Variants in TNC observed in about 807,000 individuals in gnomAD.
The protein encoded by TNC is tenascin C, also known as tenascin.
A neutral mutation model predicts 202.4 loss-of-function variants in TNC; 109 were observed. The ratio of observed to expected loss-of-function variants is 0.54; its 90% CI spans 0.46 to 0.63. The LOEUF is 0.63. Among genes scored for constraint, TNC ranks in the 30% least tolerant of loss-of-function variants. TNC has a pLI of 0.00. For synonymous variants in TNC, 1,007 were observed against 1,089.7 expected, an observed-to-expected ratio of 0.92 and a Z score of 1.50; for missense variants, 2,756 against 2,833.3, an observed-to-expected ratio of 0.97 and a Z score of 0.62.
At chr9:115,025,348 A>G (rs891894405) in intron 26 of TNC, among the ~76,000 whole-genome samples, 12 of 152,102 alleles carry the variant, frequency 7.9e-5, no homozygotes, top group Admixed American at 5.9e-4. Context: ...CTAAACTGCC[A>G]TCTCAAAAGA....
chr9:115,066,729 C>T (rs1389220514), intron 10 of TNC, among the ~76,000 whole-genome samples: 1 of 152,140 alleles, frequency 6.6e-6, no homozygotes. Context: ...GGAAATAAAT[C>T]CAAAGAAGAA....
intron 9 of TNC, among the ~76,000 whole-genome samples, chr9:115,075,717 G>A (rs113240985): frequency 0.016 from 2,490 of 152,094 alleles, 113 homozygotes; most frequent in East Asian, 0.11. Flanking sequence ...CCCTGGAGGC[G>A]GAGGTTGCAG....
intron 1 of TNC, among the ~76,000 whole-genome samples, chr9:115,106,478 C>A (rs1407333055): frequency 6.6e-6 from 1 of 152,094 alleles, no homozygotes; most frequent in Non-Finnish European, 1.5e-5. Flanking sequence ...CAAAATGGAA[C>A]AAGGTAGGAT....
chr9:115,034,448 C>A (rs1830168902), intron 22 of TNC, among the ~76,000 whole-genome samples: 1 of 152,136 alleles, frequency 6.6e-6, no homozygotes, highest in African/African-American at 2.4e-5. Flanking sequence ...AGACAGAAAC[C>A]CAAACCAAAC....
Position 115,048,427 on chromosome 9 carries a change from G to A in TNC, c.4685C>T (p.Thr1562Met), listed in dbSNP as rs145720474. The change falls in exon 16 of 28, where the codon ACG becomes ATG. Residue 1562 changes from threonine (T) to methionine (M), a missense_variant. By Grantham distance (81) the Thr-to-Met change is moderately conservative (BLOSUM62 -1). Coordinates refer to ENST00000350763, the MANE Select transcript of TNC (RefSeq NM_002160.4). The stretch of plus-strand genomic sequence containing the variant: ...CAGCAGCTTCCCAGAATCCACCACC[G>A]TTACTAGAAAGCTGTCAAAGGCATT... The part of the protein sequence containing the change: ...SENAFDSFLV[T>M]VVDSGKLLDP... 129 of 1,614,022 alleles carry A rather than the reference G, an allele frequency of 8.0e-5. No homozygotes were observed. Among genetic ancestry groups the A allele is most frequent in the East Asian group, 4.5e-4 (20 of 44,884 alleles).
At position 115,097,446 on chromosome 9, in the gene TNC, T is replaced by TG. The variant is rs533379909; in HGVS notation, c.-136-6293dup. On this transcript the variant is annotated intron_variant, in intron 1 of 27. Coordinates refer to ENST00000350763, the MANE Select transcript of TNC (RefSeq NM_002160.4). ...AAGAAAACCTTGTATCCAGAAGGGATGGGGGAATCAGGGAGATACATTCAT... is the reference window on the plus strand; with the variant it reads ...AAGAAAACCTTGTATCCAGAAGGGATGGGGGGAATCAGGGAGATACATTCAT... Among the ~76,000 whole-genome samples the TG allele has an allele frequency of 2.6e-5, 4 of 152,194 alleles. No individual in the cohort carries two copies. In the South Asian group the frequency reaches 8.3e-4, roughly 32 times the overall value.
intron 21 of TNC, 59 bp from the exon 22 acceptor site, chr9:115,035,393 G>T (rs986962920): frequency 1.9e-6 from 3 of 1,552,352 alleles, no homozygotes; most frequent in East Asian, 2.4e-5. Flanking sequence ...GCAGAAATTC[G>T]GGCTGGGTAT....
At chr9:115,110,333 TTG>T (rs1454999163) in intron 1 of TNC, among the ~76,000 whole-genome samples, 1 of 152,158 alleles carries the variant, frequency 6.6e-6, no homozygotes, top group African/African-American at 2.4e-5. Context: ...CTGGACTTTT[TTG>T]CAGGCAGAAG....
At chr9:115,113,454 A>G (rs1177084685) in intron 1 of TNC, among the ~76,000 whole-genome samples, 1 of 152,188 alleles carries the variant, frequency 6.6e-6, no homozygotes, top group Non-Finnish European at 1.5e-5. Context: ...GTCCTCAGTA[A>G]ATATTAGCTA....
At chr9:115,087,496 T>C (rs545244848) in intron 2 of TNC, among the ~76,000 whole-genome samples, 8 of 150,830 alleles carry the variant, frequency 5.3e-5, no homozygotes, top group Admixed American at 5.3e-4. Flanking sequence ...TATAGGCTTG[T>C]ATGCCAAAAC....
At chr9:115,083,180 T>A (rs1296870149) in intron 4 of TNC, among the ~76,000 whole-genome samples, 1 of 151,192 alleles carries the variant, frequency 6.6e-6, no homozygotes, top group Non-Finnish European at 1.5e-5. Context: ...GTCTACTTCT[T>A]GGGAATGCAT....
At chr9:115,105,666 A>C (rs1164992423) in intron 1 of TNC, among the ~76,000 whole-genome samples, 1 of 152,146 alleles carries the variant, frequency 6.6e-6, no homozygotes, top group Middle Eastern at 3.2e-3. Flanking sequence ...GATATGTCTA[A>C]CCCCCTTAAC....
intron 27 of TNC, among the ~76,000 whole-genome samples, chr9:115,022,422 A>G (rs1357857911): frequency 6.6e-6 from 1 of 152,186 alleles, no homozygotes; most frequent in Non-Finnish European, 1.5e-5. Flanking sequence ...CCAGAGAGGG[A>G]GAGTGACTTT....
At chr9:115,053,454 C>A (rs540751690) in intron 15 of TNC, among the ~76,000 whole-genome samples, 3 of 152,198 alleles carry the variant, frequency 2.0e-5, no homozygotes, top group Admixed American at 6.5e-5. Flanking sequence ...AATATTATGT[C>A]TTACCATAGA....
At chr9:115,030,756 A>G (rs1384853061) in intron 23 of TNC, among the ~76,000 whole-genome samples, 1 of 152,216 alleles carries the variant, frequency 6.6e-6, no homozygotes, top group Non-Finnish European at 1.5e-5. Context: ...CACTTTCTTC[A>G]GCAGATGTGT....
At chr9:115,080,164 A>G (rs1834192671) in intron 6 of TNC, among the ~76,000 whole-genome samples, 2 of 152,216 alleles carry the variant, frequency 1.3e-5, no homozygotes, top group South Asian at 4.1e-4. Context: ...ATGCAACTTC[A>G]AATGTTGGAA....
Position 115,081,776 on chromosome 9 carries a change from G to A in TNC, c.2400C>T (p.Thr800=), listed in dbSNP as rs778576941. The A allele has an allele frequency of 6.2e-7, 1 of 1,613,984 alleles. No individual in the cohort carries two copies. The highest frequency in any genetic ancestry group is 1.7e-5 in the Admixed American group (1 of 60,008). The change falls in exon 6 of 28, where the codon ACC becomes ACT. Residue 800 remains threonine (T), a synonymous_variant. Transcript: ENST00000350763. The part of the protein sequence containing the change: ...TRGPGLKRVT[T]TRLDAPSQIE... ...AGTATTAAAGGTGATACTCACGTGT[G>A]GTGGTCACCCTCTTCAGGCCAGGGC... is the stretch of plus-strand genomic sequence containing the variant.
chr9:115,108,839 A>G (rs1426038762), intron 1 of TNC, among the ~76,000 whole-genome samples: 1 of 152,198 alleles, frequency 6.6e-6, no homozygotes, highest in Non-Finnish European at 1.5e-5. Flanking sequence ...CCATGTGAGG[A>G]CATATAAGGT....
chr9:115,027,364 C>T (rs539692826), intron 25 of TNC, among the ~76,000 whole-genome samples: 30 of 151,694 alleles, frequency 2.0e-4, no homozygotes, highest in Admixed American at 5.2e-4. Flanking sequence ...CCAAGGTGGG[C>T]GGATCATCTG....
Sources: allele counts gnomAD v4.1 joint callset (sites outside exome capture counted in the v4.1 genomes callset), GRCh38; gene constraint gnomAD v4.1.1; transcripts MANE v1.5; gene names NCBI Gene and HGNC (gene_info 2026-07-23, HGNC 2026-07-21).